The following APBB2 variants were observed in gnomAD, a reference collection of about 807,000 sequenced individuals.
The protein encoded by APBB2 is amyloid beta precursor protein binding family B member 2, also known as Fe65-like 1.
A neutral mutation model predicts 82.5 loss-of-function variants in APBB2; 38 were observed. The observed-to-expected ratio is 0.46, with a 90% CI of 0.36 to 0.60. The LOEUF is 0.60. Among genes scored for constraint, APBB2 ranks in the 20% least tolerant of loss-of-function variants. APBB2 has a pLI of 0.00. For missense variants in APBB2, 772 were observed against 972.3 expected, an observed-to-expected ratio of 0.79 and a Z score of 2.74; for synonymous variants, 341 against 368.2, an observed-to-expected ratio of 0.93 and a Z score of 0.85.
intron 2 of APBB2, among the ~76,000 whole-genome samples, chr4:41,104,947 T>C (rs1746670730): frequency 6.6e-6 from 1 of 152,230 alleles, no homozygotes; most frequent in South Asian, 2.1e-4. Context: ...TTGTGAGTAG[T>C]GCACTAGCAG....
chr4:41,003,382 T>C (rs910521750), intron 6 of APBB2, among the ~76,000 whole-genome samples: 2 of 152,214 alleles, frequency 1.3e-5, no homozygotes, highest in South Asian at 4.1e-4. Context: ...CCATGTTGCA[T>C]CTATTAAGGA....
In APBB2 at chr4:40,826,009, C is replaced by G; in HGVS notation, c.1733-39G>C. 1 of 1,500,212 alleles carries G rather than the reference C, an allele frequency of 6.7e-7. No homozygotes were observed. Among genetic ancestry groups the G allele is most frequent in the Non-Finnish European group, 9.3e-7 (1 of 1,076,346 alleles). 92.9% of individuals were successfully genotyped at this position (1,500,212 alleles called of 1,614,324 possible). A position where few individuals can be genotyped will look rare whatever the true frequency, so the allele number is the denominator to read the frequency against. On this transcript the variant is annotated intron_variant, in intron 14 of 17. Transcript: ENST00000508593. The surrounding 1 kb of genome is among the most constrained non-coding windows in gnomAD (Gnocchi z 4.5). ...AAGCAACACATCTTTCTCAGTGGTT[C>G]CAACACACATGTACACAACAGCCGT...
chr4:41,150,804 G>A (rs775433755), intron 1 of APBB2, among the ~76,000 whole-genome samples: 4 of 152,204 alleles, frequency 2.6e-5, no homozygotes, highest in East Asian at 1.9e-4. Context: ...GCAATGGCCC[G>A]ATCTCAGCTT....
intron 12 of APBB2, chr4:40,881,528 CTTTTTCTTTT>C (rs1768537858): frequency 1.3e-5 from 2 of 154,910 alleles, no homozygotes; most frequent in Non-Finnish European, 2.1e-5. Context: ...CTTTTCTTTT[CTTTTTCTTTT>C]TTTTTTTTTT....
intron 3 of APBB2, among the ~76,000 whole-genome samples, chr4:41,090,612 A>T (rs908322969): frequency 6.6e-6 from 1 of 152,190 alleles, no homozygotes; most frequent in Non-Finnish European, 1.5e-5. Context: ...TTTTAAAAAG[A>T]TATAGAATGC....
At chr4:41,205,810 T>C (rs948185239) in intron 1 of APBB2, among the ~76,000 whole-genome samples, 2 of 152,236 alleles carry the variant, frequency 1.3e-5, no homozygotes, top group Admixed American at 1.3e-4. Flanking sequence ...TCATATTATA[T>C]AAGCACAATT....
At chr4:40,934,756 T>C in intron 8 of APBB2, 57 bp from the exon 9 acceptor site, 1 of 1,260,070 alleles carries the variant, frequency 7.9e-7, no homozygotes, top group South Asian at 1.2e-5. Context: ...ATTCATTGCC[T>C]CAAATATCAA....
intron 12 of APBB2, among the ~76,000 whole-genome samples, chr4:40,835,072 T>C (rs1430127879): frequency 6.6e-6 from 1 of 151,980 alleles, no homozygotes; most frequent in African/African-American, 2.4e-5. Flanking sequence ...GGTCAGGAGA[T>C]CGAGACCATC....
At chr4:41,011,038 G>C (rs1173610464) in intron 6 of APBB2, among the ~76,000 whole-genome samples, 1 of 151,464 alleles carries the variant, frequency 6.6e-6, no homozygotes, top group Non-Finnish European at 1.5e-5. Flanking sequence ...TATTATATAT[G>C]TTATACTATG....
At chr4:41,049,472 C>T (rs555395326) in intron 4 of APBB2, among the ~76,000 whole-genome samples, 1 of 146,286 alleles carries the variant, frequency 6.8e-6, no homozygotes, top group Admixed American at 6.7e-5. Flanking sequence ...TGGGGGGCAG[C>T]CCCCGCCCGG....
At chr4:40,858,156 C>T (rs573634671) in intron 12 of APBB2, among the ~76,000 whole-genome samples, 3 of 152,172 alleles carry the variant, frequency 2.0e-5, no homozygotes, top group East Asian at 1.9e-4. Flanking sequence ...GTCCAATTGG[C>T]TAAGTGACAG....
chr4:40,953,061 A>T (rs1790641655), intron 6 of APBB2, among the ~76,000 whole-genome samples: 1 of 152,056 alleles, frequency 6.6e-6, no homozygotes. Flanking sequence ...TTGGGAGGTC[A>T]AGGAGGGTGG....
intron 2 of APBB2, among the ~76,000 whole-genome samples, chr4:41,136,067 G>C (rs1036872496): frequency 2.0e-5 from 3 of 152,204 alleles, no homozygotes; most frequent in Non-Finnish European, 4.4e-5. Context: ...AAATAGGCCA[G>C]AGTCTTCATG....
intron 3 of APBB2, among the ~76,000 whole-genome samples, chr4:41,077,313 A>ATT (rs954833685): frequency 6.6e-6 from 1 of 150,756 alleles, no homozygotes; most frequent in Admixed American, 6.6e-5. Flanking sequence ...ACAGCCAGGG[A>ATT]TTTTTTTTTA....
chr4:40,833,469 C>T lies in APBB2; in HGVS notation c.1530-2892G>A, dbSNP rs76949055. On this transcript the variant is annotated intron_variant, in intron 12 of 17. Transcript: ENST00000508593. ...ATCTACTCAGCCTAGCCCAGCTCAA[C>T]GGTCCGCCTGGTCCTCTGGCCCCAG... is the stretch of plus-strand genomic sequence containing the variant. Among the ~76,000 whole-genome samples, 1,007 of 152,310 alleles carry T rather than the reference C, an allele frequency of 6.6e-3. 8 individuals are homozygous for T. The highest frequency in any genetic ancestry group is 0.023 in the African/African-American group (973 of 41,560).
intron 1 of APBB2, among the ~76,000 whole-genome samples, chr4:41,200,375 ATTTT>A (rs148725433): frequency 2.7e-5 from 4 of 150,932 alleles, no homozygotes; most frequent in Admixed American, 6.6e-5. Context: ...TGAATGACCT[ATTTT>A]TTTTTTAAAT....
intron 1 of APBB2, among the ~76,000 whole-genome samples, chr4:41,144,974 G>C (rs1183962307): frequency 2.0e-5 from 3 of 152,140 alleles, no homozygotes; most frequent in African/African-American, 7.2e-5. Flanking sequence ...TAAAAAATTA[G>C]CCGGGCATGT....
chr4:41,169,859 T>C (rs945552849), intron 1 of APBB2, among the ~76,000 whole-genome samples: 1 of 53,976 alleles, frequency 1.9e-5, no homozygotes, highest in African/African-American at 2.1e-4. Flanking sequence ...TACTGTAGGT[T>C]TTTTTTTTTA....
At chr4:40,907,345 TTACATA>T (rs1263666168) in intron 10 of APBB2, among the ~76,000 whole-genome samples, 45 of 104,958 alleles carry the variant, frequency 4.3e-4, no homozygotes, top group Middle Eastern at 4.8e-3. Flanking sequence ...ATTTAATATA[TTACATA>T]TATATATATA....
Sources: allele counts gnomAD v4.1 joint callset (sites outside exome capture counted in the v4.1 genomes callset), GRCh38; gene constraint gnomAD v4.1.1; non-coding constraint Gnocchi (gnomAD v3.1); transcripts MANE v1.5; gene names NCBI Gene and HGNC (gene_info 2026-07-23, HGNC 2026-07-21).